NDUFA5: variants seen among roughly 807,000 people sequenced by gnomAD.
NDUFA5 encodes NADH:ubiquinone oxidoreductase subunit A5.
A neutral mutation model predicts 19.8 loss-of-function variants in NDUFA5; 11 were observed. The ratio of observed to expected loss-of-function variants is 0.56; its 90% CI spans 0.35 to 0.92. The LOEUF (loss-of-function observed/expected upper bound fraction) is 0.92. NDUFA5 is among the 40% of genes least tolerant of loss of function. The pLI, the probability that NDUFA5 is intolerant of heterozygous loss-of-function variation, is 0.01. For missense variants in NDUFA5, 109 were observed against 134.2 expected, an observed-to-expected ratio of 0.81 and a Z score of 0.93; for synonymous variants, 47 against 46.8, an observed-to-expected ratio of 1.00 and a Z score of -0.01.
intron 2 of NDUFA5, chr7:123,556,978 G>A: frequency 2.2e-6 from 1 of 446,464 alleles, no homozygotes; most frequent in South Asian, 1.7e-5. Context: ...TTTTTTTGAT[G>A]AAAACATTCG....
chr7:123,557,384 G>A lies in NDUFA5; in HGVS notation c.66+20C>T, dbSNP rs147958631. ...TCTTCCTTGGGAATTCAAGAACGAA[G>A]AAAGAACAAAGGTACATACCTCGTG... On this transcript the variant is annotated intron_variant, in intron 2 of 4. Coordinates refer to ENST00000355749, the MANE Select transcript of NDUFA5 (RefSeq NM_005000.5). 588 of 1,613,724 alleles carry A rather than the reference G, an allele frequency of 3.6e-4. 3 individuals are homozygous for A. The African/African-American group carries it at 6.7e-3, about 18-fold the overall frequency.
At chr7:123,587,711 T>C in the NDUFA5 span, among the ~76,000 whole-genome samples, 6 of 151,804 alleles carry the variant, frequency 4.0e-5, no homozygotes, top group Admixed American at 2.6e-4. Context: ...GTACATTCTT[T>C]CTATACCTAA....
chr7:123,554,941 C>G (rs1584702294), intron 2 of NDUFA5: 1 of 152,466 alleles, frequency 6.6e-6, no homozygotes, highest in East Asian at 1.9e-4. Context: ...CTCAGCCTCC[C>G]AAAGTGCTGG....
At chr7:123,549,829 C>T (rs1374706203) in intron 3 of NDUFA5, among the ~76,000 whole-genome samples, 1 of 152,086 alleles carries the variant, frequency 6.6e-6, no homozygotes, top group Non-Finnish European at 1.5e-5. Flanking sequence ...TTGTTGCATA[C>T]CTAACGAAAG....
chr7:123,568,866 A>C, the NDUFA5 span, among the ~76,000 whole-genome samples: 1 of 152,212 alleles, frequency 6.6e-6, no homozygotes, highest in Non-Finnish European at 1.5e-5. Flanking sequence ...TAAAAAGTTG[A>C]AAAATTATGA....
chr7:123,574,352 A>G, the NDUFA5 span, among the ~76,000 whole-genome samples: 1 of 152,046 alleles, frequency 6.6e-6, no homozygotes, highest in Non-Finnish European at 1.5e-5. Flanking sequence ...ATTTTAGTAT[A>G]TGTCGGAATC....
At chr7:123,599,677 G>A in the NDUFA5 span, among the ~76,000 whole-genome samples, 38 of 152,302 alleles carry the variant, frequency 2.5e-4, no homozygotes, top group Middle Eastern at 3.4e-3. Flanking sequence ...TTCTAACACC[G>A]TGCTTCAACT....
chr7:123,581,221 A>C, the NDUFA5 span, among the ~76,000 whole-genome samples: 3 of 151,930 alleles, frequency 2.0e-5, no homozygotes, highest in Non-Finnish European at 4.4e-5. Context: ...TACTTACTAG[A>C]TAGTAGAAGG....
chr7:123,540,330 C>A lies in NDUFA5; in HGVS notation c.*1789G>T, dbSNP rs527684760. 1.3e-5 allele frequency: 2 copies of A among 152,204 alleles called. No individual in the cohort carries two copies. The highest frequency in any genetic ancestry group is 4.8e-5 in the African/African-American group (2 of 41,518). 9.4% of individuals were successfully genotyped at this position (152,204 alleles called of 1,614,324 possible). ...TTTCTAATGCAAACACCAGTAAGGT[C>A]CCCTTTTAGCAAAAAAGTTCAGTAA... On this transcript the variant is annotated 3_prime_UTR_variant, in exon 5 of 5. Transcript: ENST00000355749.
At chr7:123,564,697 T>A in the NDUFA5 span, among the ~76,000 whole-genome samples, 2 of 152,006 alleles carry the variant, frequency 1.3e-5, no homozygotes, top group African/African-American at 2.4e-5. Context: ...TTACGATTTT[T>A]TGATGTTAAG....
At chr7:123,552,695 CA>C (rs1272698866) in intron 2 of NDUFA5, among the ~76,000 whole-genome samples, 32 of 134,936 alleles carry the variant, frequency 2.4e-4, no homozygotes, top group Admixed American at 2.3e-3. Flanking sequence ...CAGGGTAAAG[CA>C]AAAATAAAAA....
chr7:123,542,221 C>T lies in NDUFA5; in HGVS notation c.250-1G>A. 1 of 1,604,162 alleles carries T rather than the reference C, an allele frequency of 6.2e-7. No individual in the cohort carries two copies. Among genetic ancestry groups the T allele is most frequent in the Non-Finnish European group, 8.5e-7 (1 of 1,176,008 alleles). ...TTGCCAGATTTAGTTCATGTTCAGC[C>T]TGTTAATACAAATTTTTTAAAAGAT... On this transcript the variant is annotated splice_acceptor_variant, in intron 4 of 4. Transcript: ENST00000355749. LOFTEE classifies it high-confidence loss of function.
rs1209928446 is a variant in NDUFA5, at chr7:123,539,098, TGAC to T, written c.*3018_*3020del. The T allele has an allele frequency of 4.6e-5, 7 of 152,178 alleles. No individual in the cohort carries two copies. Among genetic ancestry groups the T allele is most frequent in the Admixed American group, 3.3e-4 (5 of 15,276 alleles). The allele number at this position is 152,178 out of a possible 1,614,324, so 9.4% of individuals were successfully genotyped here. On this transcript the variant is annotated 3_prime_UTR_variant, in exon 5 of 5. Coordinates refer to ENST00000355749, the MANE Select transcript of NDUFA5 (RefSeq NM_005000.5). ...AAACTTGAGGCCTGATTGCACATGATGACTACTACTGCTGGCATCAATTCATTC... is the reference window on the plus strand; with the variant it reads ...AAACTTGAGGCCTGATTGCACATGATTACTACTGCTGGCATCAATTCATTC...
chr7:123,547,166 A>G (rs1798163691), intron 3 of NDUFA5, among the ~76,000 whole-genome samples: 1 of 152,152 alleles, frequency 6.6e-6, no homozygotes. Context: ...CACCATCTTG[A>G]TTTGGGTCCC....
At chr7:123,552,986 A>T (rs1039388192) in intron 2 of NDUFA5, among the ~76,000 whole-genome samples, 1 of 152,118 alleles carries the variant, frequency 6.6e-6, no homozygotes, top group African/African-American at 2.4e-5. Context: ...TTCTCTAATA[A>T]ATCTGCCTTT....
the NDUFA5 span, among the ~76,000 whole-genome samples, chr7:123,593,779 A>G: frequency 6.6e-6 from 1 of 152,046 alleles, no homozygotes; most frequent in East Asian, 1.9e-4. Flanking sequence ...TTCTCGAGGA[A>G]TAGCTTTGTG....
chr7:123,556,852 G>T (rs1354536510), intron 2 of NDUFA5: 1 of 512,270 alleles, frequency 2.0e-6, no homozygotes, highest in African/African-American at 1.9e-5. Flanking sequence ...GCATTCAAGG[G>T]TGAATAAGAA....
chr7:123,597,413 G>T, the NDUFA5 span, among the ~76,000 whole-genome samples: 15 of 152,072 alleles, frequency 9.9e-5, no homozygotes, highest in South Asian at 4.1e-4. Context: ...GTTGTTAATT[G>T]CTTACTGTGC....
chr7:123,597,398 G>T, the NDUFA5 span, among the ~76,000 whole-genome samples: 1 of 152,146 alleles, frequency 6.6e-6, no homozygotes, highest in Non-Finnish European at 1.5e-5. Flanking sequence ...TTCATTATTA[G>T]TATTGTTGTT....
Sources: allele counts gnomAD v4.1 joint callset (sites outside exome capture counted in the v4.1 genomes callset), GRCh38; gene constraint gnomAD v4.1.1; transcripts MANE v1.5; gene names NCBI Gene and HGNC (gene_info 2026-07-23, HGNC 2026-07-21).